The following TSTD2 variants were observed in gnomAD, a reference collection of about 807,000 sequenced individuals.
The protein encoded by TSTD2 is thiosulfate sulfurtransferase like domain containing 2.
A neutral mutation model predicts 47.9 loss-of-function variants in TSTD2; 37 were observed. The ratio of observed to expected loss-of-function variants is 0.77; its 90% confidence interval spans 0.59 to 1.02. TSTD2 has a LOEUF of 1.02. TSTD2 is among the 50% of genes least tolerant of loss of function. The pLI, the probability that TSTD2 is intolerant of heterozygous loss-of-function variation, is 0.00. For missense variants in TSTD2, 586 were observed against 616.0 expected (o/e 0.95, Z 0.52); for synonymous variants, 201 against 215.9 (o/e 0.93, Z 0.61).
At chr9:97,618,939 A>C (rs550849846) in intron 3 of TSTD2, among the ~76,000 whole-genome samples, 1 of 152,166 alleles carries the variant, frequency 6.6e-6, no homozygotes, top group Non-Finnish European at 1.5e-5. Context: ...AATTCAACTG[A>C]TAATTATGTA....
intron 4 of TSTD2, among the ~76,000 whole-genome samples, chr9:97,612,608 T>C (rs1826477178): frequency 6.6e-6 from 1 of 152,200 alleles, no homozygotes; most frequent in South Asian, 2.1e-4. Flanking sequence ...CAGGCTGGAG[T>C]GCAATAGCAC....
At position 97,600,727 on chromosome 9, in the gene TSTD2, C is replaced by A; in HGVS notation, c.*1742G>T. 2.0e-6 allele frequency: 2 copies of A among 1,007,580 alleles called. No individual in the cohort carries two copies. Among genetic ancestry groups the A allele is most frequent in the Non-Finnish European group, 2.4e-6 (2 of 843,354 alleles). The allele number at this position is 1,007,580 out of a possible 1,614,324, so 62.4% of individuals were successfully genotyped here. A position where few individuals can be genotyped will look rare whatever the true frequency, so the allele number is the denominator to read the frequency against. On this transcript the variant is annotated 3_prime_UTR_variant, in exon 10 of 10. Coordinates refer to ENST00000341170, the MANE Select transcript of TSTD2 (RefSeq NM_139246.5). ...GATGCCGGACAATGGTGAAGAAACT[C>A]CAGATATCAAGGAATTGGGAAATCC... is the stretch of plus-strand genomic sequence containing the variant.
At position 97,602,148 on chromosome 9, in the gene TSTD2, C is replaced by T. The variant is rs552485017; in HGVS notation, c.*321G>A. 3.9e-6 allele frequency: 1 copy of T among 254,836 alleles called. No homozygotes were observed. Among genetic ancestry groups the T allele is most frequent in the African/African-American group, 2.2e-5 (1 of 45,196 alleles). 15.8% of individuals were successfully genotyped at this position (254,836 alleles called of 1,614,324 possible). A position where few individuals can be genotyped will look rare whatever the true frequency, so the allele number is the denominator to read the frequency against. On this transcript the variant is annotated 3_prime_UTR_variant, in exon 10 of 10. Transcript: ENST00000341170. ...GGTCTGCTGACAAGGGCAATGACTA[C>T]TAACAGCCCCAGCTGCATGGAACAG...
At chr9:97,608,336 G>GTTT (rs1826400842) in intron 6 of TSTD2, among the ~76,000 whole-genome samples, 1 of 152,158 alleles carries the variant, frequency 6.6e-6, no homozygotes, top group Non-Finnish European at 1.5e-5. Flanking sequence ...GCATGGATGT[G>GTTT]TTTAAAAGAC....
At chr9:97,617,330 T>G (rs554949990) in intron 4 of TSTD2, among the ~76,000 whole-genome samples, 3 of 152,306 alleles carry the variant, frequency 2.0e-5, no homozygotes, top group African/African-American at 7.2e-5. Context: ...GAATCACACC[T>G]CTATGTTCTA....
intron 8 of TSTD2, 84 bp from the exon 9 acceptor site, chr9:97,604,949 A>G: frequency 2.6e-6 from 4 of 1,559,444 alleles, no homozygotes; most frequent in Non-Finnish European, 3.5e-6. Flanking sequence ...CATGGCGAGG[A>G]GTGCTGACGT....
intron 9 of TSTD2, 196 bp from the exon 10 acceptor site, chr9:97,602,963 GACTT>G: frequency 1.9e-6 from 1 of 528,980 alleles, no homozygotes; most frequent in South Asian, 3.7e-5. Flanking sequence ...TTGTGGGGGT[GACTT>G]CTGGTAACTG....
chr9:97,624,522 A>G (rs1486565683), intron 3 of TSTD2, among the ~76,000 whole-genome samples: 1 of 152,226 alleles, frequency 6.6e-6, no homozygotes, highest in African/African-American at 2.4e-5. Context: ...CATAGCAATA[A>G]TACAGAGAGT....
rs1826568650 is a variant in TSTD2 at position 97,617,668 on chromosome 9, T to C, written c.603+89A>G. 13 of 1,453,870 alleles carry C rather than the reference T, an allele frequency of 8.9e-6. No homozygotes were observed. The East Asian group carries it at 3.1e-4, about 35-fold the overall frequency. The allele number at this position is 1,453,870 out of a possible 1,614,324, so 90.1% of individuals were successfully genotyped here. A position where few individuals can be genotyped will look rare whatever the true frequency, so the allele number is the denominator to read the frequency against. ...TAACTTTTAAGAACTCAACAGTGAA[T>C]CTTTTTTATAATGAGCACAGCATTT... is the stretch of plus-strand genomic sequence containing the variant. On this transcript the variant is annotated intron_variant, in intron 4 of 9. Transcript: ENST00000341170.
At chr9:97,614,582 C>CTGT (rs1826513207) in intron 4 of TSTD2, among the ~76,000 whole-genome samples, 2 of 112,856 alleles carry the variant, frequency 1.8e-5, no homozygotes, top group Non-Finnish European at 4.4e-5. Context: ...CTGGAGAGGA[C>CTGT]TACTTCAGAC....
In TSTD2 at chr9:97,611,674, T is replaced by C. The variant is rs779224859; in HGVS notation, c.629A>G (p.Asn210Ser). The C allele has an allele frequency of 5.6e-5, 90 of 1,610,668 alleles. 3 individuals carry two copies. In the East Asian group the frequency reaches 1.0e-3, roughly 18 times the overall value. The change falls in exon 5 of 10, where the codon AAT (asparagine) becomes AGT (serine). Residue 210 changes from asparagine (N) to serine (S), a missense_variant. Coordinates refer to ENST00000341170, the MANE Select transcript of TSTD2 (RefSeq NM_139246.5). ...GKIRIAAEGI[N>S]GTVGGSKLAT... ...CAATTTGCTTCCACCAACTGTCCCATTGATTCCTTCTGCAGCAATTCGAAT... is the reference window on the plus strand; with the variant it reads ...CAATTTGCTTCCACCAACTGTCCCACTGATTCCTTCTGCAGCAATTCGAAT...
rs970780032 is a variant in TSTD2 at position 97,601,745 on chromosome 9, A to T, written c.*724T>A. 4.4e-6 allele frequency: 1 copy of T among 229,022 alleles called. No individual in the cohort carries two copies. Among genetic ancestry groups the T allele is most frequent in the South Asian group, 1.6e-4 (1 of 6,276 alleles). The allele number at this position is 229,022 out of a possible 1,614,324, so 14.2% of individuals were successfully genotyped here. A position where few individuals can be genotyped will look rare whatever the true frequency, so the allele number is the denominator to read the frequency against. On this transcript the variant is annotated 3_prime_UTR_variant, in exon 10 of 10. Transcript: ENST00000341170. ...TAAACTATACAGTTGACCCTTGAAC[A>T]ATATGGGTTTGAACTGCATGGCTGC...
intron 3 of TSTD2, among the ~76,000 whole-genome samples, chr9:97,623,848 C>T (rs745979217): frequency 6.6e-6 from 1 of 151,394 alleles, no homozygotes; most frequent in Non-Finnish European, 1.5e-5. Flanking sequence ...CAGAGTGAGA[C>T]TCTGTCTCAA....
intron 1 of TSTD2, among the ~76,000 whole-genome samples, chr9:97,632,993 C>T (rs969389629): frequency 5.9e-5 from 9 of 152,236 alleles, no homozygotes; most frequent in African/African-American, 1.7e-4. Context: ...TACCCAATAA[C>T]CCTTGAAAAC....
chr9:97,614,952 T>C (rs1450857727), intron 4 of TSTD2, among the ~76,000 whole-genome samples: 1 of 152,116 alleles, frequency 6.6e-6, no homozygotes, highest in African/African-American at 2.4e-5. Flanking sequence ...GTGGACTACA[T>C]AGAAAAATAG....
Position 97,601,018 on chromosome 9 carries a change from G to C in TSTD2, c.*1451C>G. The C allele has an allele frequency of 7.7e-7, 1 of 1,292,216 alleles. No homozygotes were observed. Among genetic ancestry groups the C allele is most frequent in the South Asian group, 1.3e-5 (1 of 79,544 alleles). 80.0% of individuals were successfully genotyped at this position (1,292,216 alleles called of 1,614,324 possible). ...AGCACTGAGCAGAGAGGCTGGTGAT[G>C]AAAAGGTGAAGGCCTGCGCACTGAA... On this transcript the variant is annotated 3_prime_UTR_variant, in exon 10 of 10. Coordinates refer to ENST00000341170, the MANE Select transcript of TSTD2 (RefSeq NM_139246.5).
Position 97,605,630 on chromosome 9 carries a change from T to C in TSTD2, c.966A>G (p.Gln322=), listed in dbSNP as rs1368376169. ...TCCTGATGTCTGGGGCTAAGCAGCC[T>C]TGGAATCGTCCCTGTAACATAGGAG... ...NFYESKIGRF[Q]GCLAPDIRKF... Residue 322 remains glutamine, a synonymous_variant, in exon 8 of 10, where the codon CAA becomes CAG. Coordinates refer to ENST00000341170, the MANE Select transcript of TSTD2 (RefSeq NM_139246.5). 5 of 1,614,120 alleles carry C rather than the reference T, an allele frequency of 3.1e-6. No individual in the cohort carries two copies. The highest frequency in any genetic ancestry group is 4.2e-6 in the Non-Finnish European group (5 of 1,180,044).
intron 6 of TSTD2, 103 bp from the exon 7 acceptor site, chr9:97,606,364 C>A: frequency 3.1e-6 from 2 of 655,292 alleles, no homozygotes; most frequent in Non-Finnish European, 5.3e-6. Context: ...TTTCTTTCCA[C>A]CCAAATCTCT....
At chr9:97,611,486 ATT>A (rs1478722748) in intron 5 of TSTD2, 86 bp downstream of exon 5, 5 of 1,432,054 alleles carry the variant, frequency 3.5e-6, no homozygotes, top group Non-Finnish European at 3.7e-6. Flanking sequence ...GGCACTGCTT[ATT>A]TCTCTACTTT....
Sources: allele counts gnomAD v4.1 joint callset (sites outside exome capture counted in the v4.1 genomes callset), GRCh38; gene constraint gnomAD v4.1.1; transcripts MANE v1.5; gene names NCBI Gene and HGNC (gene_info 2026-07-23, HGNC 2026-07-21).